Variants in YAF2 observed in about 807,000 individuals in gnomAD.
YAF2 encodes YY1 associated factor 2.
In YAF2, 7 loss-of-function variants were observed where a neutral mutation model predicts 20.1. The ratio of observed to expected loss-of-function variants is 0.35; its 90% CI spans 0.20 to 0.65. YAF2 has a LOEUF of 0.65. YAF2 is among the 30% of genes least tolerant of loss of function. The probability of loss-of-function intolerance (pLI) is 0.69; values close to 1 mark genes in which losing one functional copy is unlikely to be tolerated. For synonymous variants in YAF2, 74 were observed against 76.0 expected, an observed-to-expected ratio of 0.97 and a Z score of 0.14; for missense variants, 151 against 219.2, an observed-to-expected ratio of 0.69 and a Z score of 1.96.
At chr12:42,202,654 T>C (rs971834530) in intron 2 of YAF2, among the ~76,000 whole-genome samples, 4 of 152,236 alleles carry the variant, frequency 2.6e-5, no homozygotes, top group African/African-American at 9.6e-5. Flanking sequence ...TTTCTATTTT[T>C]TGAGATGGAG....
At chr12:42,236,813 G>GA (rs2068175190) in intron 2 of YAF2, among the ~76,000 whole-genome samples, 5 of 152,136 alleles carry the variant, frequency 3.3e-5, no homozygotes, top group Admixed American at 3.3e-4. Context: ...CAAGGAGCTC[G>GA]ATAACTAAGT....
chr12:42,172,801 A>ATTTCACCATAT (rs1483512738), intron 2 of YAF2, among the ~76,000 whole-genome samples: 1 of 152,246 alleles, frequency 6.6e-6, no homozygotes, highest in African/African-American at 2.4e-5. Flanking sequence ...ATGAAATATT[A>ATTTCACCATAT]TTTCACCATA....
intron 2 of YAF2, among the ~76,000 whole-genome samples, chr12:42,189,033 T>C (rs1298518107): frequency 6.6e-6 from 1 of 152,184 alleles, no homozygotes. Context: ...TGGAAATGTG[T>C]CAGGAAAGCC....
At chr12:42,235,968 G>A in intron 2 of YAF2, 1 of 1,536,098 alleles carries the variant, frequency 6.5e-7, no homozygotes, top group Non-Finnish European at 8.7e-7. Context: ...TGTGGAGTAG[G>A]ACACCAGCTT....
At chr12:42,175,772 T>TAAAAAAAAAAAAAAAAAAAAAAAAAAAAA (rs1277338221) in intron 2 of YAF2, among the ~76,000 whole-genome samples, 24 of 88,888 alleles carry the variant, frequency 2.7e-4, no homozygotes, top group Non-Finnish European at 3.9e-4. Context: ...AAAAAAAAAT[T>TAAAAAAAAAAAAAAAAAAAAAAAAAAAAA]AAAACAGGAA....
chr12:42,190,097 CT>C (rs2066575339), intron 2 of YAF2, among the ~76,000 whole-genome samples: 1 of 152,140 alleles, frequency 6.6e-6, no homozygotes, highest in African/African-American at 2.4e-5. Flanking sequence ...AATCCCAGCA[CT>C]TTGAGAGGCT....
Position 42,237,632 on chromosome 12 carries a change from A to T in YAF2, c.119T>A (p.Met40Lys), listed in dbSNP as rs777045990. The part of the protein sequence containing the change: ...FRNSAEAFKC[M>K]MCDVRKGTST... ...GGTGCCCTTCCGCACATCGCACATCATGCACTTGAAGGCCTCGGCGCTGTT... is the reference window on the plus strand; with the variant it reads ...GGTGCCCTTCCGCACATCGCACATCTTGCACTTGAAGGCCTCGGCGCTGTT... Residue 40 changes from methionine (M) to lysine (K), a missense_variant, in exon 2 of 4, where the codon ATG (methionine) becomes AAG (lysine). By Grantham distance (95) the Met-to-Lys change is moderately conservative. Around this residue, in one of 3 missense-constraint regions of YAF2, gnomAD observed 50 missense variants for 58.3 expected, o/e 0.86. Transcript: ENST00000534854. 1.9e-6 allele frequency: 3 copies of T among 1,563,198 alleles called. No homozygotes were observed. Among genetic ancestry groups the T allele is most frequent in the Admixed American group, 1.9e-5 (1 of 52,802 alleles).
intron 2 of YAF2, among the ~76,000 whole-genome samples, chr12:42,200,449 C>T (rs1018912030): frequency 2.0e-5 from 3 of 152,136 alleles, no homozygotes; most frequent in Non-Finnish European, 4.4e-5. Context: ...CAGAACCAAG[C>T]CAATCTCTTT....
chr12:42,175,536 A>C (rs981276916), intron 2 of YAF2, among the ~76,000 whole-genome samples: 7 of 44 alleles, frequency 0.16, no homozygotes, highest in African/African-American at 0.35. Context: ...TTATACCTCA[A>C]AAAAAAAAAA....
chr12:42,176,916 G>A (rs1310249332), intron 2 of YAF2, among the ~76,000 whole-genome samples: 2 of 152,248 alleles, frequency 1.3e-5, no homozygotes, highest in Middle Eastern at 3.4e-3. Context: ...GCAGTGAACC[G>A]AGATCACGCC....
chr12:42,158,798 A>G lies in YAF2; in HGVS notation c.*1791T>C, dbSNP rs1038001428. 12 of 152,360 alleles carry G rather than the reference A, an allele frequency of 7.9e-5. No homozygotes were observed. The highest frequency in any genetic ancestry group is 2.6e-4 in the African/African-American group (11 of 41,594). 9.4% of individuals were successfully genotyped at this position (152,360 alleles called of 1,614,324 possible). ...AATACATCCTGAAAGTTATTTGATC[A>G]TAAGATGTAATTCCTTTAAAGCATA... On this transcript the variant is annotated 3_prime_UTR_variant, in exon 4 of 4. Coordinates refer to ENST00000534854, the MANE Select transcript of YAF2 (RefSeq NM_005748.6).
chr12:42,200,891 A>T (rs1411998555), intron 2 of YAF2, among the ~76,000 whole-genome samples: 9 of 152,180 alleles, frequency 5.9e-5, no homozygotes, highest in Non-Finnish European at 1.5e-5. Context: ...GAGAGTGAGT[A>T]GGTTATTTAC....
At chr12:42,215,085 A>G (rs1308030305) in intron 2 of YAF2, among the ~76,000 whole-genome samples, 1 of 152,242 alleles carries the variant, frequency 6.6e-6, no homozygotes, top group East Asian at 1.9e-4. Flanking sequence ...TCCATTACCT[A>G]GCCCAGCACC....
At chr12:42,183,500 C>A (rs767160919) in intron 2 of YAF2, among the ~76,000 whole-genome samples, 2 of 152,146 alleles carry the variant, frequency 1.3e-5, no homozygotes, top group Non-Finnish European at 2.9e-5. Context: ...AGCAAAACAG[C>A]CTTACTACTG....
At chr12:42,213,309 T>C (rs1003600871) in intron 2 of YAF2, among the ~76,000 whole-genome samples, 1 of 152,194 alleles carries the variant, frequency 6.6e-6, no homozygotes, top group Non-Finnish European at 1.5e-5. Flanking sequence ...ACCACATGAG[T>C]GAGCTTGCAA....
chr12:42,198,913 G>C (rs1157475489), intron 2 of YAF2, among the ~76,000 whole-genome samples: 1 of 152,160 alleles, frequency 6.6e-6, no homozygotes, highest in Non-Finnish European at 1.5e-5. Flanking sequence ...AATGTGGCTA[G>C]TTCAAGTTAA....
chr12:42,237,158 T>C (rs1012285876), intron 2 of YAF2, among the ~76,000 whole-genome samples: 1 of 152,194 alleles, frequency 6.6e-6, no homozygotes, highest in Non-Finnish European at 1.5e-5. Context: ...TAAGTTTTAA[T>C]ATATTGTGTA....
intron 2 of YAF2, among the ~76,000 whole-genome samples, chr12:42,171,723 G>A (rs1458938744): frequency 3.3e-5 from 5 of 151,974 alleles, no homozygotes; most frequent in African/African-American, 4.8e-5. Flanking sequence ...GAAAACTGAG[G>A]TGGGTGGATT....
chr12:42,210,201 C>G (rs1160768355), intron 2 of YAF2, among the ~76,000 whole-genome samples: 3 of 152,184 alleles, frequency 2.0e-5, no homozygotes, highest in Non-Finnish European at 4.4e-5. Flanking sequence ...TCAGTATTTA[C>G]TGTCCACACA....
Sources: gnomAD v4.1 joint callset for allele counts (sites outside exome capture counted in the v4.1 genomes callset) on GRCh38, gnomAD v4.1.1 for gene constraint, gnomAD v4.1.1 regional missense constraint, MANE v1.5 for transcripts, NCBI Gene and HGNC (gene_info 2026-07-23, HGNC 2026-07-21) for gene names.